ROBO4: variants seen among roughly 807,000 people sequenced by gnomAD.
ROBO4 encodes the protein roundabout homolog 4.
In ROBO4, 80 loss-of-function variants were observed where a neutral mutation model predicts 103.3. The observed-to-expected ratio is 0.77, with a 90% CI of 0.65 to 0.93. ROBO4 has a LOEUF of 0.93. ROBO4 is among the 40% of genes least tolerant of loss of function. ROBO4 has a pLI of 0.00. For synonymous variants in ROBO4, 504 were observed against 529.7 expected, an observed-to-expected ratio of 0.95 and a Z score of 0.67; for missense variants, 1,333 against 1,305.3, an observed-to-expected ratio of 1.02 and a Z score of -0.33.
intron 12 of ROBO4, 105 bp downstream of exon 12, chr11:124,891,194 G>A: frequency 1.5e-6 from 2 of 1,346,984 alleles, no homozygotes; most frequent in Non-Finnish European, 2.0e-6. Context: ...GGAGGGTGTG[G>A]AGGTTGCACG....
rs931881892 is a variant in ROBO4, at chr11:124,884,670, G to A, written c.*221C>T. ...AGAAAGCAGTGGCTAGGAGTCAGGT[G>A]GAGATGATGTTTTGCTCCCTGAGGG... On this transcript the variant is annotated 3_prime_UTR_variant, in exon 18 of 18. Coordinates refer to ENST00000306534, the MANE Select transcript of ROBO4 (RefSeq NM_019055.6). 7 of 610,176 alleles carry A rather than the reference G, an allele frequency of 1.1e-5. No homozygotes were observed. Among genetic ancestry groups the A allele is most frequent in the East Asian group, 2.8e-5 (1 of 36,300 alleles). The allele number at this position is 610,176 out of a possible 1,614,324, so 37.8% of individuals were successfully genotyped here.
Position 124,886,986 on chromosome 11 carries a change from T to A in ROBO4, c.2426A>T (p.Glu809Val). 6.2e-7 allele frequency: 1 copy of A among 1,610,026 alleles called. No individual in the cohort carries two copies. Among genetic ancestry groups the A allele is most frequent in the Non-Finnish European group, 8.5e-7 (1 of 1,177,172 alleles). ...CTCTCAAGCTACTCACCTGGGAGTC[T>A]CCTCACCCTCACTGAGTTCCAAGCA... Reference protein sequence around the residue: ...ALCLELSEGEETPRNSVSPMP... With the variant: ...ALCLELSEGEVTPRNSVSPMP... Residue 809 changes from glutamate (E) to valine (V), a missense_variant, in exon 15 of 18, where the codon GAG (glutamate) becomes GTG (valine). By Grantham distance (121) the Glu-to-Val change is moderately radical. Transcript: ENST00000306534.
chr11:124,887,716 C>T lies in ROBO4; in HGVS notation c.2056+17G>A, dbSNP rs367686562. The T allele has an allele frequency of 1.9e-6, 3 of 1,610,094 alleles. No individual in the cohort carries two copies. The highest frequency in any genetic ancestry group is 2.5e-6 in the Non-Finnish European group (3 of 1,176,628). On this transcript the variant is annotated intron_variant, in intron 13 of 17. Transcript: ENST00000306534. Reference sequence around the variant, plus strand: ...CTATCTCACCCCTTCACTTCCCTTTCAGGGACCCCCTCTCACCTGGGCTTT... The same window carrying T: ...CTATCTCACCCCTTCACTTCCCTTTTAGGGACCCCCTCTCACCTGGGCTTT...
At chr11:124,884,966 C>G (rs1446826012) in intron 17 of ROBO4, 53 bp from the exon 18 acceptor site, 1 of 1,614,032 alleles carries the variant, frequency 6.2e-7, no homozygotes, top group Non-Finnish European at 8.5e-7. Flanking sequence ...TCCCCAGTGC[C>G]AGGCTTCCTC....
In ROBO4 at chr11:124,891,786, A is replaced by C. The variant is rs757733417; in HGVS notation, c.1564T>G (p.Ser522Ala). The C allele has an allele frequency of 6.2e-7, 1 of 1,614,124 alleles. No homozygotes were observed. The highest frequency in any genetic ancestry group is 1.7e-5 in the Admixed American group (1 of 60,028). ...ILKHRMDHSD[S>A]QWLADTWRST... ...CGCCAAGTGTCTGCCAACCACTGGG[A>C]GTCACTGTGATCCATCCTGGGGCAG... Residue 522 changes from serine to alanine, a missense_variant, in exon 11 of 18, where the codon TCC (serine) becomes GCC (alanine). Transcript: ENST00000306534.
At chr11:124,897,565 T>G (rs1460472107) in intron 1 of ROBO4, 161 bp downstream of exon 1, 1 of 628,230 alleles carries the variant, frequency 1.6e-6, no homozygotes, top group Non-Finnish European at 2.9e-6. Context: ...TGTGCGCACA[T>G]GCACAAACAC....
Position 124,894,218 on chromosome 11 carries a change from G to A in ROBO4, c.1301C>T (p.Pro434Leu). 3 of 1,612,802 alleles carry A rather than the reference G, an allele frequency of 1.9e-6. No homozygotes were observed. The highest frequency in any genetic ancestry group is 2.5e-6 in the Non-Finnish European group (3 of 1,179,478). ...TGAGAGEPSR[P>L]VCLLLEQAME... The stretch of plus-strand genomic sequence containing the variant: ...GCCCTCACCTAAAAGGAGGCAGACA[G>A]GTCTACTGGGCTCCCCAGCTCCAGC... Residue 434 changes from proline (P) to leucine (L), a missense_variant, in exon 8 of 18, where the codon CCT becomes CTT. Transcript: ENST00000306534.
rs369687648 is a variant in ROBO4, at chr11:124,897,726, C to G, written c.70G>C (p.Gly24Arg). The G allele has an allele frequency of 6.2e-7, 1 of 1,614,018 alleles. No homozygotes were observed. Among genetic ancestry groups the G allele is most frequent in the East Asian group, 2.2e-5 (1 of 44,868 alleles). ...SLPLLLLLIM[G>R]GMAQDSPPQI... ...GGCCAGGAGAGGGAGAGCAACTCAC[C>G]CATGATGAGCAGGAGCAGCAGAGGC... The change falls in exon 1 of 18, where the codon GGA becomes CGA. Residue 24 changes from glycine (G) to arginine (R), a missense_variant and splice_region_variant. Transcript: ENST00000306534.
At chr11:124,886,382 G>A (rs1312352939) in intron 16 of ROBO4, 82 bp downstream of exon 16, 1 of 1,078,448 alleles carries the variant, frequency 9.3e-7, no homozygotes, top group Non-Finnish European at 1.4e-6. Context: ...AAAACTAGTT[G>A]TTTTAACAAT....
chr11:124,895,228 G>A (rs372241004), intron 6 of ROBO4, 35 bp from the exon 7 acceptor site: 1 of 1,511,094 alleles, frequency 6.6e-7, no homozygotes, highest in Middle Eastern at 1.8e-4. Flanking sequence ...GAGGGGCTCT[G>A]AGGGAGAGGA....
Position 124,887,378 on chromosome 11 carries a change from T to TG in ROBO4, c.2177dup (p.Thr727AsnfsTer29). ...CTTACTGGGTCTGTTGACTCTGAGT[T>TG]GGGGGAGTTTCATGAGGAAAGAGGG... On this transcript the variant is annotated frameshift_variant, in exon 14 of 18. Coordinates refer to ENST00000306534, the MANE Select transcript of ROBO4 (RefSeq NM_019055.6). LOFTEE classifies it high-confidence loss of function. 1.2e-6 allele frequency: 2 copies of TG among 1,613,910 alleles called. No individual in the cohort carries two copies. The highest frequency in any genetic ancestry group is 1.7e-6 in the Non-Finnish European group (2 of 1,179,918).
chr11:124,894,906 G>T (rs751119072), intron 7 of ROBO4, among the ~76,000 whole-genome samples, 175 bp downstream of exon 7: 12 of 152,234 alleles, frequency 7.9e-5, no homozygotes, highest in Non-Finnish European at 1.6e-4. Flanking sequence ...GATCATGGAG[G>T]TCAAGTGCTT....
rs778315540 is a variant in ROBO4 at position 124,895,199 on chromosome 11, G to A, written c.1037-6C>T. The A allele has an allele frequency of 1.1e-5, 17 of 1,607,998 alleles. No individual in the cohort carries two copies. The highest frequency in any genetic ancestry group is 1.7e-4 in the Middle Eastern group (1 of 6,018). On this transcript the variant is annotated splice_polypyrimidine_tract_variant and splice_region_variant and intron_variant, in intron 6 of 17. Coordinates refer to ENST00000306534, the MANE Select transcript of ROBO4 (RefSeq NM_019055.6). ...CTGAGGTGGGGCACTGGGCACTGGA[G>A]GGGTGGAAGAGAGACTATGAGGGGC...
At position 124,897,000 on chromosome 11, in the gene ROBO4, A is replaced by C. The variant is rs778773538; in HGVS notation, c.332T>G (p.Val111Gly). ...DGQALSTDLG[V>G]YTCEASNRLG... ...CCGGTTGCTGGCCTCACATGTGTAG[A>C]CACCCAGGTCTGTGGACAGGGCCTG... The change falls in exon 2 of 18, where the codon GTC becomes GGC. Residue 111 changes from valine to glycine, a missense_variant. Coordinates refer to ENST00000306534, the MANE Select transcript of ROBO4 (RefSeq NM_019055.6). 5.0e-6 allele frequency: 8 copies of C among 1,614,076 alleles called. No individual in the cohort carries two copies. Among genetic ancestry groups the C allele is most frequent in the Non-Finnish European group, 6.8e-6 (8 of 1,180,026 alleles).
Position 124,895,615 on chromosome 11 carries a change from T to A in ROBO4, c.878A>T (p.Gln293Leu), listed in dbSNP as rs60888551. Residue 293 changes from glutamine (Q) to leucine (L), a missense_variant, in exon 6 of 18, where the codon CAG becomes CTG. Physicochemically the swap from Gln to Leu is moderately radical, Grantham distance 113. Coordinates refer to ENST00000306534, the MANE Select transcript of ROBO4 (RefSeq NM_019055.6). Reference sequence around the variant, plus strand: ...CAGCTCCTCTGCCCACGGAGCTCCCTGGCCTCCCGGGGCAGTCTGGGTCCT... The same window carrying A: ...CAGCTCCTCTGCCCACGGAGCTCCCAGGCCTCCCGGGGCAGTCTGGGTCCT... ...LFRTQTAPGG[Q>L]GAPWAEELLA... 4.4e-5 allele frequency: 71 copies of A among 1,613,734 alleles called. No homozygotes were observed. The African/African-American group carries it at 8.3e-4, about 19-fold the overall frequency.
In ROBO4 at chr11:124,896,073, G is replaced by A. The variant is rs1037141041; in HGVS notation, c.679+125C>T. On this transcript the variant is annotated intron_variant, in intron 4 of 17. Transcript: ENST00000306534. ...CTACTCTAGCAGGGGGGAACCTCCC[G>A]CTACGTGAGACCCCCAGCACTTTGA... 2.6e-5 allele frequency: 40 copies of A among 1,522,006 alleles called. No individual in the cohort carries two copies. The Admixed American group carries it at 3.1e-4, about 12-fold the overall frequency. 94.3% of individuals were successfully genotyped at this position (1,522,006 alleles called of 1,614,324 possible).
chr11:124,888,134 T>G (rs1005834071), intron 12 of ROBO4, among the ~76,000 whole-genome samples: 16 of 152,264 alleles, frequency 1.1e-4, no homozygotes, highest in Admixed American at 2.0e-4. Context: ...CTTCGAATGA[T>G]GGTCTTGACA....
At chr11:124,892,866 A>G (rs1946820409) in intron 10 of ROBO4, 1 of 152,680 alleles carries the variant, frequency 6.5e-6, no homozygotes, top group Non-Finnish European at 1.5e-5. Context: ...GCTGGAAGAA[A>G]GAAGCCAGTG....
At position 124,897,775 on chromosome 11, in the gene ROBO4, G is replaced by C. The variant is rs1946924444; in HGVS notation, c.21C>G (p.Ser7Arg). 2.5e-6 allele frequency: 4 copies of C among 1,613,620 alleles called. No individual in the cohort carries two copies. The Admixed American group carries it at 5.0e-5, about 20-fold the overall frequency. Residue 7 changes from serine to arginine, a missense_variant, in exon 1 of 18, where the codon AGC becomes AGG. Coordinates refer to ENST00000306534, the MANE Select transcript of ROBO4 (RefSeq NM_019055.6). ...GCAGGGAACCCCTGCCCCCCAGGAG[G>C]CTGTCTCCTCCAGAGCCCATGGCTA... MGSGGD[S>R]LLGGRGSLPL...
Sources: allele counts gnomAD v4.1 joint callset (sites outside exome capture counted in the v4.1 genomes callset), GRCh38; gene constraint gnomAD v4.1.1; transcripts MANE v1.5; gene names NCBI Gene and HGNC (gene_info 2026-07-23, HGNC 2026-07-21).